Variants in DARS1 observed in about 807,000 individuals in gnomAD.
DARS1 encodes the protein aspartate--tRNA ligase, cytoplasmic.
Under a neutral mutation model 68.8 loss-of-function variants are expected in DARS1, and 51 were observed. That is an observed-to-expected ratio of 0.74 (90% CI 0.59 to 0.94). The LOEUF is 0.94. Among genes scored for constraint, DARS1 ranks in the 40% least tolerant of loss-of-function variants. The probability of loss-of-function intolerance (pLI) is 0.00; values close to 1 mark genes in which losing one functional copy is unlikely to be tolerated. For synonymous variants in DARS1, 203 were observed against 190.4 expected (o/e 1.07, Z -0.55); for missense variants, 607 against 597.3 (o/e 1.02, Z -0.17).
At chr2:135,927,871 G>A (rs547240840) in intron 7 of DARS1, among the ~76,000 whole-genome samples, 15 of 152,274 alleles carry the variant, frequency 9.9e-5, no homozygotes, top group Middle Eastern at 3.4e-3. Flanking sequence ...TTAAAACACT[G>A]CTATTCTGTA....
At chr2:135,928,109 C>A (rs1245048818) in intron 7 of DARS1, among the ~76,000 whole-genome samples, 1 of 152,186 alleles carries the variant, frequency 6.6e-6, no homozygotes, top group Admixed American at 6.5e-5. Flanking sequence ...TAGCGCCTTA[C>A]AATCCTCACA....
chr2:135,910,101 A>G (rs1680865082), intron 15 of DARS1, among the ~76,000 whole-genome samples: 1 of 152,164 alleles, frequency 6.6e-6, no homozygotes, highest in Non-Finnish European at 1.5e-5. Flanking sequence ...TATCTTGGCT[A>G]TTGTAAATAA....
intron 4 of DARS1, among the ~76,000 whole-genome samples, chr2:135,955,673 C>CTTTTTTTTTTTT (rs75123258): frequency 1.6e-5 from 1 of 61,336 alleles, no homozygotes; most frequent in African/African-American, 7.3e-5. Flanking sequence ...AAATAAAAAT[C>CTTTTTTTTTTTT]TTTTTTTTTT....
chr2:135,966,272 A>C (rs540499750), intron 3 of DARS1, among the ~76,000 whole-genome samples: 1 of 151,784 alleles, frequency 6.6e-6, no homozygotes, highest in East Asian at 1.9e-4. Context: ...CTCTATTTCC[A>C]TATCTTTTTC....
At chr2:135,959,717 C>T (rs1226464517) in intron 4 of DARS1, among the ~76,000 whole-genome samples, 2 of 152,096 alleles carry the variant, frequency 1.3e-5, no homozygotes, top group Non-Finnish European at 2.9e-5. Flanking sequence ...ATTAACCGTC[C>T]ACTTGTCAGT....
Position 135,985,548 on chromosome 2 carries a change from TC to T in DARS1, c.-81del. ...CAGGCCAAAGGGGCTTCTCCCTCCC[TC>T]CCAGTCTCCGCCCTCCCGACCCTGG... On this transcript the variant is annotated 5_prime_UTR_variant, in exon 1 of 16. Transcript: ENST00000264161. The T allele has an allele frequency of 6.2e-7, 1 of 1,605,176 alleles. No individual in the cohort carries two copies. The highest frequency in any genetic ancestry group is 8.5e-7 in the Non-Finnish European group (1 of 1,176,140).
At chr2:135,918,479 A>G (rs1253329412) in intron 10 of DARS1, among the ~76,000 whole-genome samples, 1 of 152,212 alleles carries the variant, frequency 6.6e-6, no homozygotes, top group Non-Finnish European at 1.5e-5. Flanking sequence ...AGATAACCCA[A>G]TAAACAAGCC....
chr2:135,949,767 A>G (rs564767138), intron 4 of DARS1, among the ~76,000 whole-genome samples: 2 of 152,324 alleles, frequency 1.3e-5, no homozygotes, highest in South Asian at 2.1e-4. Context: ...TAGTGAATCA[A>G]CTTTTTAGAT....
At position 135,955,804 on chromosome 2, in the gene DARS1, C is replaced by T. The variant is rs193155442; in HGVS notation, c.320+5592G>A. On this transcript the variant is annotated intron_variant, in intron 4 of 15. Coordinates refer to ENST00000264161, the MANE Select transcript of DARS1 (RefSeq NM_001349.4). ...CAGGTAGCTGGGGACTACAGGCTCA[C>T]ACCACCATGCCTGGCTAATTATTCT... is the stretch of plus-strand genomic sequence containing the variant. Among the ~76,000 whole-genome samples, 187 of 149,624 alleles carry T rather than the reference C, an allele frequency of 1.2e-3. 1 individual carries two copies. The highest frequency in any genetic ancestry group is 4.4e-3 in the African/African-American group (179 of 40,746).
rs910846720 is a variant in DARS1 at position 135,906,132 on chromosome 2, G to A, written c.*1184C>T. Among the ~76,000 whole-genome samples the A allele has an allele frequency of 1.3e-5, 2 of 152,106 alleles. No homozygotes were observed. Among genetic ancestry groups the A allele is most frequent in the Non-Finnish European group, 2.9e-5 (2 of 68,012 alleles). On this transcript the variant is annotated 3_prime_UTR_variant, in exon 16 of 16. Transcript: ENST00000264161. The stretch of plus-strand genomic sequence containing the variant: ...CTTTCAAAGACTGTACAATATAGAT[G>A]GTAAACACCCCCTTTAACTTTCAAA...
At chr2:135,921,276 T>C (rs1301006874) in intron 9 of DARS1, among the ~76,000 whole-genome samples, 1 of 151,648 alleles carries the variant, frequency 6.6e-6, no homozygotes, top group East Asian at 2.0e-4. Flanking sequence ...AGACATAAAA[T>C]GACCAAAAAA....
At chr2:135,935,696 G>A (rs1321861600) in intron 5 of DARS1, among the ~76,000 whole-genome samples, 1 of 152,184 alleles carries the variant, frequency 6.6e-6, no homozygotes, top group African/African-American at 2.4e-5. Context: ...CATAAAGACT[G>A]AACTAGAGTT....
At chr2:135,932,312 G>A (rs73957072) in intron 7 of DARS1, among the ~76,000 whole-genome samples, 2,079 of 152,296 alleles carry the variant, frequency 0.014, 54 homozygotes, top group African/African-American at 0.047. Flanking sequence ...GAAGACCCAT[G>A]AGACTACTGC....
intron 2 of DARS1, among the ~76,000 whole-genome samples, chr2:135,982,127 A>G (rs973084745): frequency 1.4e-4 from 21 of 152,228 alleles, no homozygotes; most frequent in African/African-American, 4.6e-4. Context: ...TTACTGCACC[A>G]AAGAGTGAGA....
At position 135,967,220 on chromosome 2, in the gene DARS1, T is replaced by C. The variant is rs1224591678; in HGVS notation, c.218-5722A>G. On this transcript the variant is annotated intron_variant, in intron 3 of 15. Coordinates refer to ENST00000264161, the MANE Select transcript of DARS1 (RefSeq NM_001349.4). Reference sequence around the variant, plus strand: ...CAACCTTAATATTTTCCTTCATGATTTGTATTAATCAATTAGGGATTAAAA... The same window carrying C: ...CAACCTTAATATTTTCCTTCATGATCTGTATTAATCAATTAGGGATTAAAA... Among the ~76,000 whole-genome samples, 5 of 152,360 alleles carry C rather than the reference T, an allele frequency of 3.3e-5. No individual in the cohort carries two copies. In the East Asian group the frequency reaches 9.6e-4, roughly 29 times the overall value.
chr2:135,916,341 G>T lies in DARS1; in HGVS notation c.991C>A (p.Gln331Lys). The T allele has an allele frequency of 6.6e-7, 1 of 1,507,870 alleles. No individual in the cohort carries two copies. Among genetic ancestry groups the T allele is most frequent in the Non-Finnish European group, 9.2e-7 (1 of 1,083,378 alleles). The allele number at this position is 1,507,870 out of a possible 1,614,324, so 93.4% of individuals were successfully genotyped here. ...AATTTGAATGGCTCACATGGGAACT[G>T]TTTATTCACTGTTTGAATTTCAGTC... is the stretch of plus-strand genomic sequence containing the variant. ...FQTEIQTVNKQFPCEPFKFLE... is the reference protein window; with the variant it reads ...FQTEIQTVNKKFPCEPFKFLE... Residue 331 changes from glutamine (Q) to lysine (K), a missense_variant, in exon 11 of 16, where the codon CAG (glutamine) becomes AAG (lysine). Coordinates refer to ENST00000264161, the MANE Select transcript of DARS1 (RefSeq NM_001349.4).
intron 5 of DARS1, among the ~76,000 whole-genome samples, chr2:135,940,268 CT>C (rs1681566472): frequency 6.6e-6 from 1 of 152,206 alleles, no homozygotes; most frequent in Non-Finnish European, 1.5e-5. Flanking sequence ...CAATAAAATA[CT>C]GGCAAAACAA....
intron 9 of DARS1, among the ~76,000 whole-genome samples, chr2:135,921,666 C>T (rs554853418): frequency 2.7e-4 from 41 of 152,282 alleles, no homozygotes; most frequent in Non-Finnish European, 5.0e-4. Context: ...TATTGATTCC[C>T]TTATCACTCA....
At chr2:135,935,016 C>T (rs1304597050) in intron 5 of DARS1, among the ~76,000 whole-genome samples, 1 of 151,754 alleles carries the variant, frequency 6.6e-6, no homozygotes, top group Non-Finnish European at 1.5e-5. Context: ...GTCTCAAACT[C>T]GTGACCTCGT....
Sources: allele counts gnomAD v4.1 joint callset (sites outside exome capture counted in the v4.1 genomes callset), GRCh38; gene constraint gnomAD v4.1.1; transcripts MANE v1.5; gene names NCBI Gene and HGNC (gene_info 2026-07-23, HGNC 2026-07-21).